Variants in FARS2 observed in about 807,000 individuals in gnomAD.
FARS2 encodes the protein phenylalanyl-tRNA synthetase 2, mitochondrial, also known as phenylalanine--tRNA ligase, mitochondrial.
In FARS2, 40 loss-of-function variants were observed where a neutral mutation model predicts 46.4. That is an observed-to-expected ratio of 0.86 (90% CI 0.67 to 1.12). FARS2 has a LOEUF of 1.12. Among genes scored for constraint, FARS2 ranks in the 50% most tolerant of loss-of-function variants. The pLI, the probability that FARS2 is intolerant of heterozygous loss-of-function variation, is 0.00. For synonymous variants in FARS2, 234 were observed against 214.9 expected, an observed-to-expected ratio of 1.09 and a Z score of -0.78; for missense variants, 513 against 567.9, an observed-to-expected ratio of 0.90 and a Z score of 0.98.
At position 5,746,035 on chromosome 6, in the gene FARS2, T is replaced by C. The variant is rs187597418; in HGVS notation, c.1218-25256T>C. Among the ~76,000 whole-genome samples the C allele has an allele frequency of 1.3e-3, 200 of 152,342 alleles. 3 individuals carry two copies. In the South Asian group the frequency reaches 0.018, roughly 13 times the overall value. On this transcript the variant is annotated intron_variant, in intron 6 of 6. Coordinates refer to ENST00000274680, the MANE Select transcript of FARS2 (RefSeq NM_006567.5). Reference sequence around the variant, plus strand: ...AATAAGGATGTTCCTCTCCAATTCATATTTTAGCCCTTCTTTAGAGTCTTC... The same window carrying C: ...AATAAGGATGTTCCTCTCCAATTCACATTTTAGCCCTTCTTTAGAGTCTTC...
At chr6:5,442,080 T>C (rs1049053712) in intron 4 of FARS2, among the ~76,000 whole-genome samples, 9 of 152,154 alleles carry the variant, frequency 5.9e-5, no homozygotes, top group Non-Finnish European at 1.2e-4. Context: ...GCCTGGGTGG[T>C]AGAGTGAGAC....
intron 5 of FARS2, among the ~76,000 whole-genome samples, chr6:5,560,798 G>GT (rs1393142254): frequency 5.3e-5 from 8 of 152,084 alleles, no homozygotes; most frequent in South Asian, 2.1e-4. Flanking sequence ...ATTAATTGTG[G>GT]TTTTTTCTAG....
chr6:5,761,541 C>T (rs949626026), intron 6 of FARS2, among the ~76,000 whole-genome samples: 3 of 152,168 alleles, frequency 2.0e-5, no homozygotes, highest in East Asian at 3.8e-4. Flanking sequence ...ACCAAAGTGT[C>T]GACACGATTG....
chr6:5,625,001 C>G (rs1296526551), intron 6 of FARS2, among the ~76,000 whole-genome samples: 9 of 152,226 alleles, frequency 5.9e-5, no homozygotes, highest in African/African-American at 1.7e-4. Context: ...GTCCATCCAC[C>G]TGTGTCTCCT....
At chr6:5,371,666 T>G (rs948211945) in intron 2 of FARS2, among the ~76,000 whole-genome samples, 1 of 152,160 alleles carries the variant, frequency 6.6e-6, no homozygotes, top group African/African-American at 2.4e-5. Flanking sequence ...ATAAAATTAC[T>G]GAGTAACTTC....
intron 2 of FARS2, among the ~76,000 whole-genome samples, chr6:5,387,721 G>A (rs1029400456): frequency 4.6e-5 from 7 of 152,166 alleles, no homozygotes; most frequent in Admixed American, 6.5e-5. Context: ...TCCAGAGGTC[G>A]TGATGTTATC....
intron 3 of FARS2, among the ~76,000 whole-genome samples, chr6:5,430,153 C>G (rs1385047288): frequency 2.0e-5 from 3 of 151,896 alleles, no homozygotes; most frequent in Non-Finnish European, 2.9e-5. Context: ...AAAGTGTTGC[C>G]TAAAAAAAGA....
At chr6:5,285,349 G>A (rs1422420752) in intron 1 of FARS2, among the ~76,000 whole-genome samples, 1 of 152,156 alleles carries the variant, frequency 6.6e-6, no homozygotes, top group Non-Finnish European at 1.5e-5. Flanking sequence ...ACTGATGGGG[G>A]AACACCAGCT....
chr6:5,683,463 C>T (rs866411645), intron 6 of FARS2, among the ~76,000 whole-genome samples: 15 of 152,086 alleles, frequency 9.9e-5, no homozygotes, highest in Non-Finnish European at 2.9e-5. Context: ...GCTCCTCACT[C>T]CCAGAATTCC....
Position 5,497,404 on chromosome 6 carries a change from CT to C in FARS2, c.905-47771del, listed in dbSNP as rs1238195539. ...TTGGAGCTGTTCTAAAATAGTGAAT[CT>C]TTTTGCCAGGCCTGATGAGAATGAA... On this transcript the variant is annotated intron_variant, in intron 4 of 6. Coordinates refer to ENST00000274680, the MANE Select transcript of FARS2 (RefSeq NM_006567.5). 4.6e-5 allele frequency among the ~76,000 whole-genome samples: 7 copies of C among 152,250 alleles called. No individual in the cohort carries two copies. In the East Asian group the frequency reaches 1.4e-3, roughly 29 times the overall value.
chr6:5,421,579 A>G (rs894867110), intron 3 of FARS2, among the ~76,000 whole-genome samples: 3 of 152,244 alleles, frequency 2.0e-5, no homozygotes, highest in African/African-American at 7.2e-5. Context: ...AAATGCCTTT[A>G]ACAGCACCCA....
chr6:5,499,020 C>A (rs948189966), intron 4 of FARS2, among the ~76,000 whole-genome samples: 18 of 152,260 alleles, frequency 1.2e-4, no homozygotes, highest in Non-Finnish European at 2.5e-4. Flanking sequence ...GCCTCAGCCT[C>A]CTGAGTAGCT....
intron 6 of FARS2, among the ~76,000 whole-genome samples, chr6:5,758,131 C>G (rs796418146): frequency 1.3e-5 from 2 of 152,006 alleles, no homozygotes; most frequent in South Asian, 4.1e-4. Flanking sequence ...AACATTCCAG[C>G]AACTTCTGAA....
intron 4 of FARS2, among the ~76,000 whole-genome samples, chr6:5,466,325 T>C (rs1765512556): frequency 6.6e-6 from 1 of 152,198 alleles, no homozygotes; most frequent in Admixed American, 6.5e-5. Context: ...TTATTTGTAT[T>C]TCTGAAATGC....
chr6:5,431,476 A>G (rs1763162900), intron 4 of FARS2, among the ~76,000 whole-genome samples: 1 of 152,244 alleles, frequency 6.6e-6, no homozygotes, highest in South Asian at 2.1e-4. Context: ...CCCCAAAGAC[A>G]TTTGCTGCAT....
intron 6 of FARS2, among the ~76,000 whole-genome samples, chr6:5,734,032 G>A (rs1760798677): frequency 6.6e-6 from 1 of 152,198 alleles, no homozygotes; most frequent in Admixed American, 6.5e-5. Context: ...AAGTAATCAA[G>A]GGATCCAAGA....
At chr6:5,694,211 A>G (rs950623453) in intron 6 of FARS2, among the ~76,000 whole-genome samples, 1 of 152,238 alleles carries the variant, frequency 6.6e-6, no homozygotes, top group African/African-American at 2.4e-5. Context: ...AGCATTTCTT[A>G]TAGTAGCTAA....
intron 4 of FARS2, among the ~76,000 whole-genome samples, chr6:5,521,015 T>G (rs912662964): frequency 2.0e-5 from 3 of 152,194 alleles, no homozygotes; most frequent in Non-Finnish European, 2.9e-5. Context: ...CCTGCCTCTT[T>G]CCTGATAAAA....
In FARS2 at chr6:5,443,790, C is replaced by G. The variant is rs141250621; in HGVS notation, c.904+12618C>G. On this transcript the variant is annotated intron_variant, in intron 4 of 6. Coordinates refer to ENST00000274680, the MANE Select transcript of FARS2 (RefSeq NM_006567.5). ...ACATTGTAGTTGTCATATTCTTTTTCAGCTTACCGAGGGCTCATAGAATGC... is the reference window on the plus strand; with the variant it reads ...ACATTGTAGTTGTCATATTCTTTTTGAGCTTACCGAGGGCTCATAGAATGC... Among the ~76,000 whole-genome samples the G allele has an allele frequency of 1.7e-3, 265 of 152,310 alleles. 1 individual carries two copies. The highest frequency in any genetic ancestry group is 5.9e-3 in the African/African-American group (246 of 41,578).
Sources: gnomAD v4.1 joint callset for allele counts (sites outside exome capture counted in the v4.1 genomes callset) on GRCh38, gnomAD v4.1.1 for gene constraint, MANE v1.5 for transcripts, NCBI Gene and HGNC (gene_info 2026-07-23, HGNC 2026-07-21) for gene names.